Variants in CD96 observed in about 807,000 individuals in gnomAD.
The protein encoded by CD96 is T-cell surface protein tactile.
A neutral mutation model predicts 71.3 loss-of-function variants in CD96; 70 were observed. That is an observed-to-expected ratio of 0.98 (90% CI 0.81 to 1.20). The LOEUF (loss-of-function observed/expected upper bound fraction) is 1.20. Among genes scored for constraint, CD96 ranks in the 50% most tolerant of loss-of-function variants. The pLI is 0.00. For missense variants in CD96, 742 were observed against 677.5 expected, an observed-to-expected ratio of 1.10 and a Z score of -1.06; for synonymous variants, 248 against 233.0, an observed-to-expected ratio of 1.06 and a Z score of -0.59.
chr3:111,599,565 C>CA (rs1392049397), intron 6 of CD96, among the ~76,000 whole-genome samples: 1 of 151,772 alleles, frequency 6.6e-6, no homozygotes, highest in Non-Finnish European at 1.5e-5. Flanking sequence ...ACTAAAAATA[C>CA]AAAAAAATAG....
At chr3:111,549,273 T>TG (rs1177927362) in intron 2 of CD96, among the ~76,000 whole-genome samples, 1 of 151,782 alleles carries the variant, frequency 6.6e-6, no homozygotes, top group Admixed American at 6.6e-5. Flanking sequence ...AAAGGTTCTA[T>TG]GGGGGAAGGA....
intron 14 of CD96, among the ~76,000 whole-genome samples, chr3:111,658,126 A>G (rs572535448): frequency 6.6e-6 from 1 of 152,342 alleles, no homozygotes; most frequent in Non-Finnish European, 1.5e-5. Flanking sequence ...GTGAACTTGA[A>G]ATACTTTGTT....
intron 7 of CD96, among the ~76,000 whole-genome samples, chr3:111,604,721 A>G (rs1305549400): frequency 6.6e-6 from 1 of 152,238 alleles, no homozygotes; most frequent in East Asian, 1.9e-4. Flanking sequence ...GAAACTGAGC[A>G]TAACGCACCA....
Position 111,547,417 on chromosome 3 carries a change from T to C in CD96, c.418+2015T>C, listed in dbSNP as rs888141995. On this transcript the variant is annotated intron_variant, in intron 2 of 13. Transcript: ENST00000352690. ...ACATTGACCTTGGTTTCATACATAGTTTTTTTTGTACATTCTGCCTGAACC... is the reference window on the plus strand; with the variant it reads ...ACATTGACCTTGGTTTCATACATAGCTTTTTTTGTACATTCTGCCTGAACC... Among the ~76,000 whole-genome samples, 97 of 118,192 alleles carry C rather than the reference T, an allele frequency of 8.2e-4. 1 individual carries two copies. The highest frequency in any genetic ancestry group is 2.9e-3 in the African/African-American group (92 of 32,048). 77.5% of individuals were successfully genotyped at this position (118,192 alleles called of 152,430 possible).
Position 111,649,749 on chromosome 3 carries a change from T to G in CD96, c.1653T>G (p.Thr551=). 6.2e-7 allele frequency: 1 copy of G among 1,614,092 alleles called. No individual in the cohort carries two copies. The highest frequency in any genetic ancestry group is 8.5e-7 in the Non-Finnish European group (1 of 1,179,904). ...FKPPPPPIKY[T]CIQEPNESDL... is the part of the protein sequence containing the mutation. ...CACCACCACCTCCCATCAAGTACAC[T>G]TGCATTCAAGAGCCCAACGAAAGTG... Residue 551 remains threonine, a synonymous_variant, in exon 14 of 14, where the codon ACT becomes ACG. Transcript: ENST00000352690.
intron 2 of CD96, among the ~76,000 whole-genome samples, chr3:111,549,693 G>A (rs1013520316): frequency 2.0e-5 from 3 of 152,106 alleles, no homozygotes; most frequent in African/African-American, 7.2e-5. Context: ...CCTACGTGAA[G>A]GAAGGAATAA....
intron 10 of CD96, among the ~76,000 whole-genome samples, chr3:111,625,935 A>G (rs1246993046): frequency 6.6e-6 from 1 of 152,226 alleles, no homozygotes. Context: ...CTACAAATTA[A>G]TAACAAATAT....
intron 4 of CD96, among the ~76,000 whole-genome samples, chr3:111,583,245 G>A (rs2107596695): frequency 6.6e-6 from 1 of 152,270 alleles, no homozygotes; most frequent in East Asian, 1.9e-4. Context: ...TCTTGCATCT[G>A]GGTCACACAG....
chr3:111,591,781 A>G (rs1937001649), intron 5 of CD96, among the ~76,000 whole-genome samples: 1 of 152,244 alleles, frequency 6.6e-6, no homozygotes, highest in African/African-American at 2.4e-5. Context: ...CTAGATAAAA[A>G]AAGAACATGA....
chr3:111,561,902 A>T (rs1935445468), intron 2 of CD96, among the ~76,000 whole-genome samples: 1 of 151,078 alleles, frequency 6.6e-6, no homozygotes, highest in African/African-American at 2.4e-5. Context: ...TGTGGGATAT[A>T]GTCTCGTGGT....
chr3:111,615,267 C>T (rs79103040), intron 8 of CD96, among the ~76,000 whole-genome samples: 3,103 of 152,232 alleles, frequency 0.02, 125 homozygotes, highest in African/African-American at 0.072. Context: ...TAGTTCTTAG[C>T]AATAGTGTGA....
intron 3 of CD96, among the ~76,000 whole-genome samples, chr3:111,572,432 A>C (rs545317131): frequency 6.6e-6 from 1 of 152,372 alleles, no homozygotes; most frequent in African/African-American, 2.4e-5. Flanking sequence ...AATAAACTAC[A>C]ACTCTTAGTA....
At chr3:111,607,522 C>G (rs1415299679) in intron 8 of CD96, among the ~76,000 whole-genome samples, 1 of 152,162 alleles carries the variant, frequency 6.6e-6, no homozygotes, top group Non-Finnish European at 1.5e-5. Flanking sequence ...AACAAAGAAC[C>G]ATGGTGACTC....
intron 5 of CD96, chr3:111,593,190 C>T (rs906075310): frequency 7.3e-5 from 13 of 177,030 alleles, no homozygotes; most frequent in Non-Finnish European, 9.5e-5. Flanking sequence ...CCCTCAAAAT[C>T]GTCAGCTCCA....
At position 111,598,204 on chromosome 3, in the gene CD96, A is replaced by C. The variant is rs762158058; in HGVS notation, c.892A>C (p.Lys298Gln). The C allele has an allele frequency of 4.4e-5, 58 of 1,307,066 alleles. No individual in the cohort carries two copies. The highest frequency in any genetic ancestry group is 5.7e-5 in the Non-Finnish European group (51 of 900,636). The allele number at this position is 1,307,066 out of a possible 1,614,324, so 81.0% of individuals were successfully genotyped here. Residue 298 changes from lysine to glutamine, a missense_variant, in exon 6 of 14, where the codon AAA becomes CAA. Lys to Gln is a moderately conservative substitution (Grantham distance 53). Coordinates refer to ENST00000352690, the MANE Select transcript of CD96 (RefSeq NM_005816.5). ...FIDGSFLHDE[K>Q]EGIYITNEER... Reference sequence around the variant, plus strand: ...AGATGGAAGTTTTCTTCATGATGAAAAAGAAGGTAAGGAAACTAATCAATG... The same window carrying C: ...AGATGGAAGTTTTCTTCATGATGAACAAGAAGGTAAGGAAACTAATCAATG...
At chr3:111,625,267 A>C (rs1006875393) in intron 10 of CD96, among the ~76,000 whole-genome samples, 3 of 152,188 alleles carry the variant, frequency 2.0e-5, no homozygotes, top group African/African-American at 7.2e-5. Flanking sequence ...TATCTTTTTG[A>C]TGGCCCTCAG....
At chr3:111,585,910 T>G (rs975087668) in intron 5 of CD96, among the ~76,000 whole-genome samples, 1 of 152,126 alleles carries the variant, frequency 6.6e-6, no homozygotes, top group African/African-American at 2.4e-5. Context: ...CTGACTTAAC[T>G]TCTTCTGGGT....
intron 4 of CD96, among the ~76,000 whole-genome samples, chr3:111,583,599 G>A (rs1301133604): frequency 7.9e-5 from 12 of 152,208 alleles, no homozygotes. Context: ...TGAAATCTAG[G>A]TAGATGTTCC....
At chr3:111,637,417 T>A (rs1939381596) in intron 11 of CD96, among the ~76,000 whole-genome samples, 156 bp downstream of exon 11, 6 of 152,216 alleles carry the variant, frequency 3.9e-5, no homozygotes, top group Admixed American at 3.9e-4. Context: ...AACAAAATTC[T>A]TCTCAGCCAT....
Sources: allele counts gnomAD v4.1 joint callset (sites outside exome capture counted in the v4.1 genomes callset), GRCh38; gene constraint gnomAD v4.1.1; transcripts MANE v1.5; gene names NCBI Gene and HGNC (gene_info 2026-07-23, HGNC 2026-07-21).